The following RC3H2 variants were observed in gnomAD, a reference collection of about 807,000 sequenced individuals.
RC3H2 encodes ring finger and CCCH-type domains 2.
RC3H2 carries 31 observed loss-of-function variants against 133.3 expected under a neutral mutation model. The observed-to-expected ratio is 0.23, with a 90% CI of 0.17 to 0.31. The LOEUF (loss-of-function observed/expected upper bound fraction) is 0.31, where lower values mean the gene tolerates loss of function less well. Among genes scored for constraint, RC3H2 ranks in the 10% least tolerant of loss-of-function variants. RC3H2 has a pLI of 1.00. For synonymous variants in RC3H2, 517 were observed against 502.2 expected, an observed-to-expected ratio of 1.03 and a Z score of -0.40; for missense variants, 1,175 against 1,437.2, an observed-to-expected ratio of 0.82 and a Z score of 2.95.
chr9:122,852,280 G>A (rs1480405803), intron 18 of RC3H2, among the ~76,000 whole-genome samples: 1,817 of 106,898 alleles, frequency 0.017, no homozygotes, highest in Admixed American at 0.026. Flanking sequence ...CGTATGAGAA[G>A]TGAGGAGCCT....
Position 122,846,651 on chromosome 9 carries a change from T to C in RC3H2, c.*2976A>G, listed in dbSNP as rs1829874579. The C allele has an allele frequency of 6.6e-6, 1 of 152,200 alleles. No individual in the cohort carries two copies. The highest frequency in any genetic ancestry group is 6.5e-5 in the Admixed American group (1 of 15,268). The allele number at this position is 152,200 out of a possible 1,614,324, so 9.4% of individuals were successfully genotyped here. A position where few individuals can be genotyped will look rare whatever the true frequency, so the allele number is the denominator to read the frequency against. On this transcript the variant is annotated 3_prime_UTR_variant, in exon 21 of 21. Coordinates refer to ENST00000357244, the MANE Select transcript of RC3H2 (RefSeq NM_001100588.3). ...TGCTTTCCAGACCTCAGACTATTTTTTCTGATTAGACAATAGGTAACATAT... is the reference window on the plus strand; with the variant it reads ...TGCTTTCCAGACCTCAGACTATTTTCTCTGATTAGACAATAGGTAACATAT...
At chr9:122,888,068 G>T (rs901560431) in intron 4 of RC3H2, among the ~76,000 whole-genome samples, 2 of 151,988 alleles carry the variant, frequency 1.3e-5, no homozygotes, top group Non-Finnish European at 2.9e-5. Context: ...TTTAAATGCT[G>T]AAAGTCTTGG....
intron 9 of RC3H2, 99 bp downstream of exon 9, chr9:122,877,372 T>A (rs761473992): frequency 1.8e-5 from 17 of 921,114 alleles, no homozygotes; most frequent in Non-Finnish European, 2.2e-5. Context: ...AGCCCTTAAC[T>A]TGCATTTTTG....
chr9:122,870,267 TG>T (rs1314216611), intron 9 of RC3H2, among the ~76,000 whole-genome samples: 1 of 151,614 alleles, frequency 6.6e-6, no homozygotes, highest in Non-Finnish European at 1.5e-5. Flanking sequence ...CCCAGCTACT[TG>T]GGAGGCTGAA....
Position 122,905,296 on chromosome 9 carries a change from T to G in RC3H2, c.-254A>C. ...CGAAGGCCGCGACGGGGCCTCCTCC[T>G]CCTCCCTCCACCTCCGCCTCCTCCT... On this transcript the variant is annotated 5_prime_UTR_variant, in exon 1 of 21. Coordinates refer to ENST00000357244, the MANE Select transcript of RC3H2 (RefSeq NM_001100588.3). 1 of 985,598 alleles carries G rather than the reference T, an allele frequency of 1.0e-6. No individual in the cohort carries two copies. The highest frequency in any genetic ancestry group is 1.2e-6 in the Non-Finnish European group (1 of 829,960). 61.1% of individuals were successfully genotyped at this position (985,598 alleles called of 1,614,324 possible). A position where few individuals can be genotyped will look rare whatever the true frequency, so the allele number is the denominator to read the frequency against.
Position 122,860,096 on chromosome 9 carries a change from T to C in RC3H2, c.1670A>G (p.Asn557Ser), listed in dbSNP as rs1301762180. 6.2e-7 allele frequency: 1 copy of C among 1,614,114 alleles called. No individual in the cohort carries two copies. The highest frequency in any genetic ancestry group is 1.7e-5 in the Admixed American group (1 of 60,018). The change falls in exon 11 of 21, where the codon AAT becomes AGT. Residue 557 changes from asparagine to serine, a missense_variant. Around this residue, in one of 8 missense-constraint regions of RC3H2, gnomAD observed 490 missense variants for 492.8 expected, o/e 0.99. Coordinates refer to ENST00000357244, the MANE Select transcript of RC3H2 (RefSeq NM_001100588.3). ...GGGCCCAGCTGAGGTAGCTGCTACA[T>C]TACTTACAGGAGTCTTGGGTGGAGA... ...IGSPPKTPVS[N>S]VAATSAGPSN... is the part of the protein sequence containing the mutation.
At chr9:122,855,134 A>G (rs764633026) in intron 15 of RC3H2, 50 bp downstream of exon 15, 70 of 1,116,600 alleles carry the variant, frequency 6.3e-5, no homozygotes, top group East Asian at 2.1e-4. Context: ...AAAAAAAAAA[A>G]GGCATAGTGC....
chr9:122,897,129 A>T (rs1832457365), intron 2 of RC3H2, 150 bp downstream of exon 2: 1 of 666,050 alleles, frequency 1.5e-6, no homozygotes, highest in African/African-American at 1.8e-5. Context: ...AAATCTCACA[A>T]TGTTTTAAGG....
At chr9:122,850,485 G>A (rs973616651) in intron 20 of RC3H2, among the ~76,000 whole-genome samples, 16 of 132,228 alleles carry the variant, frequency 1.2e-4, no homozygotes, top group Non-Finnish European at 1.7e-4. Flanking sequence ...TCAGTCTGTC[G>A]CCCAGGCTGG....
chr9:122,857,960 GGTGTTGGTGACT>G lies in RC3H2; in HGVS notation c.2405_2416del (p.Gln802_Thr805del). The G allele has an allele frequency of 1.9e-6, 3 of 1,614,158 alleles. No individual in the cohort carries two copies. The highest frequency in any genetic ancestry group is 2.5e-6 in the Non-Finnish European group (3 of 1,179,962). ...GTCTACACTGAACAGAGGAGAAGGT[GGTGTTGGTGACT>G]GTGTTGCCACAGGAAGAGTTGAAGA... On this transcript the variant is annotated inframe_deletion, in exon 13 of 21. Coordinates refer to ENST00000357244, the MANE Select transcript of RC3H2 (RefSeq NM_001100588.3).
At position 122,858,098 on chromosome 9, in the gene RC3H2, T is replaced by C. The variant is rs376931545; in HGVS notation, c.2284-5A>G. 6.8e-6 allele frequency: 11 copies of C among 1,613,378 alleles called. No individual in the cohort carries two copies. Among genetic ancestry groups the C allele is most frequent in the East Asian group, 2.2e-5 (1 of 44,888 alleles). On this transcript the variant is annotated splice_region_variant and splice_polypyrimidine_tract_variant and intron_variant, in intron 12 of 20. Transcript: ENST00000357244. ...CTTCAAATGACCACAAGGTTCCTAA[T>C]GGGGGATAAAAGAAACAATCTTAAT...
chr9:122,895,572 T>TA (rs1299517394), intron 2 of RC3H2, among the ~76,000 whole-genome samples: 1 of 152,224 alleles, frequency 6.6e-6, no homozygotes, highest in Admixed American at 6.5e-5. Flanking sequence ...TACTGGCAAT[T>TA]AAATTAAGAT....
At chr9:122,861,288 C>T (rs1332861760) in intron 10 of RC3H2, among the ~76,000 whole-genome samples, 3 of 151,832 alleles carry the variant, frequency 2.0e-5, no homozygotes, top group East Asian at 3.9e-4. Context: ...GTTGGGAGTT[C>T]GCGACCAGCC....
At chr9:122,853,246 G>C (rs1261382410) in intron 18 of RC3H2, among the ~76,000 whole-genome samples, 1 of 151,614 alleles carries the variant, frequency 6.6e-6, no homozygotes, top group Non-Finnish European at 1.5e-5. Flanking sequence ...AAACGCTGCG[G>C]AAGGCCGCAG....
chr9:122,866,537 T>C (rs1268176789), intron 9 of RC3H2, among the ~76,000 whole-genome samples: 1 of 151,912 alleles, frequency 6.6e-6, no homozygotes. Flanking sequence ...GCGGAGTGCC[T>C]GCGATTGCAG....
chr9:122,867,206 G>GC (rs1830730348), intron 9 of RC3H2, among the ~76,000 whole-genome samples: 1 of 127,312 alleles, frequency 7.9e-6, no homozygotes. Context: ...TCTCCGCCCG[G>GC]CAGCCACCCC....
At chr9:122,872,854 G>C (rs1339360250) in intron 9 of RC3H2, among the ~76,000 whole-genome samples, 1 of 152,204 alleles carries the variant, frequency 6.6e-6, no homozygotes, top group Non-Finnish European at 1.5e-5. Flanking sequence ...CCAAAGTGCT[G>C]GGATTACAGG....
intron 3 of RC3H2, among the ~76,000 whole-genome samples, chr9:122,891,766 CA>C (rs542981502): frequency 1.3e-5 from 2 of 152,182 alleles, no homozygotes; most frequent in Non-Finnish European, 2.9e-5. Flanking sequence ...CACAACAGTG[CA>C]AAGCATTCAA....
intron 2 of RC3H2, among the ~76,000 whole-genome samples, chr9:122,895,643 AAAG>A (rs1235634995): frequency 2.0e-5 from 3 of 152,180 alleles, no homozygotes; most frequent in Non-Finnish European, 2.9e-5. Flanking sequence ...TAAACACTGA[AAAG>A]AGATTTTGTG....
Sources: gnomAD v4.1 joint callset for allele counts (sites outside exome capture counted in the v4.1 genomes callset) on GRCh38, gnomAD v4.1.1 for gene constraint, gnomAD v4.1.1 regional missense constraint, MANE v1.5 for transcripts, NCBI Gene and HGNC (gene_info 2026-07-23, HGNC 2026-07-21) for gene names.